MCUB: variants seen among roughly 807,000 people sequenced by gnomAD.
MCUB encodes calcium uniporter regulatory subunit MCUb, mitochondrial.
Under a neutral mutation model 41.4 loss-of-function variants are expected in MCUB, and 46 were observed. The ratio of observed to expected loss-of-function variants is 1.11; its 90% CI spans 0.88 to 1.42. The LOEUF is 1.42. MCUB is among the 40% of genes most tolerant of loss of function. The pLI is 0.00. For synonymous variants in MCUB, 148 were observed against 148.2 expected (o/e 1.00, Z 0.01); for missense variants, 403 against 404.9 (o/e 1.00, Z 0.04).
At chr4:109,583,840 G>A (rs1220489704) in intron 1 of MCUB, among the ~76,000 whole-genome samples, 2 of 152,108 alleles carry the variant, frequency 1.3e-5, no homozygotes, top group African/African-American at 4.8e-5. Context: ...TTTGTCCTTG[G>A]TTCTGTTTTT....
chr4:109,633,095 C>T (rs1036332024), intron 1 of MCUB, among the ~76,000 whole-genome samples: 15 of 152,040 alleles, frequency 9.9e-5, no homozygotes, highest in Non-Finnish European at 2.2e-4. Flanking sequence ...GAAATACATA[C>T]ATTGTATTAT....
chr4:109,598,305 A>G (rs1487796575), intron 1 of MCUB, among the ~76,000 whole-genome samples: 14 of 152,034 alleles, frequency 9.2e-5, no homozygotes, highest in Admixed American at 9.2e-4. Flanking sequence ...CCGGGGCACC[A>G]TTGAGCACTG....
At chr4:109,637,240 T>C (rs1282440648) in intron 1 of MCUB, among the ~76,000 whole-genome samples, 1 of 152,152 alleles carries the variant, frequency 6.6e-6, no homozygotes, top group Admixed American at 6.5e-5. Flanking sequence ...GTCAGCCCTA[T>C]GGGGACACAG....
chr4:109,588,675 C>G (rs1727367066), intron 1 of MCUB, among the ~76,000 whole-genome samples: 1 of 152,116 alleles, frequency 6.6e-6, no homozygotes, highest in Non-Finnish European at 1.5e-5. Flanking sequence ...GCAAAAATTT[C>G]TCTCCTGAAA....
At chr4:109,604,481 C>T (rs1440733605) in intron 1 of MCUB, among the ~76,000 whole-genome samples, 1 of 152,202 alleles carries the variant, frequency 6.6e-6, no homozygotes, top group Non-Finnish European at 1.5e-5. Flanking sequence ...AATTTAACTT[C>T]TTCCTTTCCA....
chr4:109,616,466 A>G (rs547358661), intron 1 of MCUB, among the ~76,000 whole-genome samples: 1 of 152,188 alleles, frequency 6.6e-6, no homozygotes, highest in Non-Finnish European at 1.5e-5. Flanking sequence ...ACCCAACAGA[A>G]TAACCAGCTG....
At chr4:109,569,497 CTTTTT>C (rs35808519) in intron 1 of MCUB, among the ~76,000 whole-genome samples, 1 of 87,174 alleles carries the variant, frequency 1.1e-5, no homozygotes, top group Non-Finnish European at 2.0e-5. Context: ...TTGGCTATCC[CTTTTT>C]TTTTTTTTTT....
intron 4 of MCUB, among the ~76,000 whole-genome samples, chr4:109,669,445 T>C (rs1380616727): frequency 2.0e-5 from 3 of 152,274 alleles, no homozygotes; most frequent in Admixed American, 1.3e-4. Context: ...TTAAGAATTA[T>C]TTTCTTTATC....
chr4:109,584,173 C>G (rs558947400), intron 1 of MCUB, among the ~76,000 whole-genome samples: 4 of 152,194 alleles, frequency 2.6e-5, no homozygotes, highest in Non-Finnish European at 5.9e-5. Flanking sequence ...CTGGTTTAGT[C>G]TTGGGAGGGT....
chr4:109,591,492 G>A (rs1291308891), intron 1 of MCUB, among the ~76,000 whole-genome samples: 1 of 151,780 alleles, frequency 6.6e-6, no homozygotes, highest in Non-Finnish European at 1.5e-5. Flanking sequence ...GGCCTCTCAT[G>A]TTAAATTCTG....
chr4:109,662,273 A>T (rs1053799792), intron 3 of MCUB, among the ~76,000 whole-genome samples: 1 of 152,224 alleles, frequency 6.6e-6, no homozygotes, highest in African/African-American at 2.4e-5. Context: ...TCCCCCAGGC[A>T]CAGGAACACT....
At chr4:109,585,770 A>T (rs1052747404) in intron 1 of MCUB, among the ~76,000 whole-genome samples, 2 of 152,240 alleles carry the variant, frequency 1.3e-5, no homozygotes, top group African/African-American at 4.8e-5. Context: ...AATGTTGAAT[A>T]TTGGCCCCCA....
intron 1 of MCUB, among the ~76,000 whole-genome samples, chr4:109,585,500 G>A (rs901034001): frequency 6.6e-6 from 1 of 152,118 alleles, no homozygotes; most frequent in Non-Finnish European, 1.5e-5. Context: ...TATGATGTTA[G>A]CTGGTTATTT....
At chr4:109,677,894 A>T (rs565078721) in intron 4 of MCUB, among the ~76,000 whole-genome samples, 2 of 141,800 alleles carry the variant, frequency 1.4e-5, no homozygotes, top group South Asian at 4.5e-4. Context: ...ATAGGATAAT[A>T]GTGGAGAGAA....
At chr4:109,646,822 A>G (rs899833520) in intron 1 of MCUB, among the ~76,000 whole-genome samples, 4 of 152,124 alleles carry the variant, frequency 2.6e-5, no homozygotes, top group Admixed American at 6.5e-5. Context: ...CTGTGTAGCT[A>G]AGTGTTTTAC....
intron 1 of MCUB, among the ~76,000 whole-genome samples, chr4:109,653,148 G>A (rs1295066812): frequency 2.6e-5 from 4 of 152,052 alleles, no homozygotes; most frequent in South Asian, 2.1e-4. Context: ...AGGCTGAGGC[G>A]GGCGGATCGC....
intron 1 of MCUB, chr4:109,561,105 A>C (rs1301653522): frequency 6.6e-6 from 1 of 152,584 alleles, no homozygotes; most frequent in Admixed American, 6.5e-5. Flanking sequence ...GCACCAAAAA[A>C]GACTAGAAGA....
chr4:109,627,175 C>T (rs767898341), intron 1 of MCUB, among the ~76,000 whole-genome samples: 1 of 152,024 alleles, frequency 6.6e-6, no homozygotes, highest in Non-Finnish European at 1.5e-5. Context: ...TCAGAAATTT[C>T]CTCAATATAC....
chr4:109,603,590 C>T (rs934531032), intron 1 of MCUB, among the ~76,000 whole-genome samples: 1 of 151,556 alleles, frequency 6.6e-6, no homozygotes, highest in Admixed American at 6.6e-5. Flanking sequence ...CTCTACCTGG[C>T]CGCCACCCTG....
Sources: allele counts gnomAD v4.1 joint callset (sites outside exome capture counted in the v4.1 genomes callset), GRCh38; gene constraint gnomAD v4.1.1; transcripts MANE v1.5; gene names NCBI Gene and HGNC (gene_info 2026-07-23, HGNC 2026-07-21).